Variants in IL1RAPL1 observed in about 807,000 individuals in gnomAD.
IL1RAPL1 encodes interleukin-1 receptor accessory protein-like 1.
A neutral mutation model predicts 48.4 loss-of-function variants in IL1RAPL1; 3 were observed. The observed-to-expected ratio is 0.06, with a 90% CI of 0.03 to 0.16. The LOEUF is 0.16. Ranked by LOEUF, IL1RAPL1 falls within the 10% of genes least tolerant of loss-of-function variation. The probability of loss-of-function intolerance (pLI) is 1.00; values close to 1 mark genes in which losing one functional copy is unlikely to be tolerated. For synonymous variants in IL1RAPL1, 185 were observed against 187.7 expected (o/e 0.99, Z 0.12); for missense variants, 349 against 530.6 (o/e 0.66, Z 3.36).
intron 5 of IL1RAPL1, among the ~76,000 whole-genome samples, chrX:29,426,114 G>A (rs893279875): frequency 8.1e-5 from 9 of 111,398 alleles, no homozygotes; most frequent in African/African-American, 2.9e-4. Flanking sequence ...CATAGTACAT[G>A]GTTCTAAATT....
At chrX:29,047,154 A>C (rs1926989344) in intron 2 of IL1RAPL1, among the ~76,000 whole-genome samples, 1 of 112,476 alleles carries the variant, frequency 8.9e-6, no homozygotes, top group East Asian at 2.8e-4. Context: ...TTCATTTCAA[A>C]TACATTCTTA....
chrX:28,779,655 TA>T lies in IL1RAPL1; in HGVS notation c.-24-9664del, dbSNP rs1438042066. Among the ~76,000 whole-genome samples the T allele has an allele frequency of 3.5e-5, 3 of 86,518 alleles. No homozygotes were observed. The East Asian group carries it at 1.0e-3, about 30-fold the overall frequency. 75.1% of individuals were successfully genotyped at this position (86,518 alleles called of 115,157 possible). A position where few individuals can be genotyped will look rare whatever the true frequency, so the allele number is the denominator to read the frequency against. On this transcript the variant is annotated intron_variant, in intron 1 of 10. Transcript: ENST00000378993. ...GTGTGTATATATATATATATATATA[TA>T]TATATATATATATATATATATAGAA... is the stretch of plus-strand genomic sequence containing the variant.
chrX:28,843,253 C>T (rs755086985), intron 2 of IL1RAPL1, among the ~76,000 whole-genome samples: 7 of 105,126 alleles, frequency 6.7e-5, no homozygotes, highest in East Asian at 3.0e-4. Flanking sequence ...ATGAGCTGAA[C>T]GTAAAAGATA....
intron 1 of IL1RAPL1, among the ~76,000 whole-genome samples, chrX:28,780,674 T>A (rs6653807): frequency 2.8e-4 from 30 of 108,978 alleles, no homozygotes; most frequent in African/African-American, 9.3e-4. Context: ...TTGTAAAAAA[T>A]AGTGCATGTT....
At chrX:29,603,265 CAAA>C (rs36018587) in intron 5 of IL1RAPL1, among the ~76,000 whole-genome samples, 6 of 62,853 alleles carry the variant, frequency 9.5e-5, no homozygotes, top group African/African-American at 3.3e-4. Context: ...GACTCTATCT[CAAA>C]AAAAAAAAAA....
chrX:29,419,036 A>T (rs1291645968), intron 5 of IL1RAPL1, among the ~76,000 whole-genome samples: 1 of 111,959 alleles, frequency 8.9e-6, no homozygotes, highest in East Asian at 2.8e-4. Context: ...TTCTTTAAAG[A>T]TCTGTATTTG....
At chrX:28,880,270 A>G (rs1201394515) in intron 2 of IL1RAPL1, among the ~76,000 whole-genome samples, 1 of 112,339 alleles carries the variant, frequency 8.9e-6, no homozygotes, top group African/African-American at 3.2e-5. Context: ...GAGTTGAACC[A>G]TAGAGTTTAG....
intron 5 of IL1RAPL1, among the ~76,000 whole-genome samples, chrX:29,418,116 TATATA>T (rs1404538660): frequency 0.014 from 563 of 39,052 alleles, 16 homozygotes; most frequent in Middle Eastern, 0.025. Context: ...TATATATATA[TATATA>T]TATATTTTTT....
chrX:28,831,026 C>CTCTCTCTCTCTCTCTGTG (rs1438889606), intron 2 of IL1RAPL1, among the ~76,000 whole-genome samples: 11 of 33,644 alleles, frequency 3.3e-4, no homozygotes, highest in Admixed American at 4.7e-4. Context: ...CTCTCTCTCT[C>CTCTCTCTCTCTCTCTGTG]TGTGTGTGTG....
chrX:29,079,180 TG>T (rs916619849), intron 2 of IL1RAPL1, among the ~76,000 whole-genome samples: 6 of 111,311 alleles, frequency 5.4e-5, no homozygotes, highest in Non-Finnish European at 1.1e-4. Context: ...GGGCCTATTA[TG>T]GGGGGCATAT....
At chrX:29,763,220 G>C (rs1329982834) in intron 6 of IL1RAPL1, among the ~76,000 whole-genome samples, 1 of 110,051 alleles carries the variant, frequency 9.1e-6, no homozygotes, top group Admixed American at 9.7e-5. Context: ...CTCTCTTTTG[G>C]CATTGAAGGA....
At chrX:28,633,097 C>G (rs1934418894) in intron 1 of IL1RAPL1, among the ~76,000 whole-genome samples, 1 of 110,672 alleles carries the variant, frequency 9.0e-6, no homozygotes, top group Non-Finnish European at 1.9e-5. Flanking sequence ...CCATGTTGGC[C>G]AGAATGGTCT....
chrX:29,052,854 G>T (rs1258309781), intron 2 of IL1RAPL1, among the ~76,000 whole-genome samples: 1 of 111,057 alleles, frequency 9.0e-6, no homozygotes, highest in Non-Finnish European at 1.9e-5. Context: ...GTATTTTTTA[G>T]TAGAGACAGG....
At chrX:29,308,834 C>A (rs1180135943) in intron 3 of IL1RAPL1, among the ~76,000 whole-genome samples, 1 of 111,908 alleles carries the variant, frequency 8.9e-6, no homozygotes, top group Non-Finnish European at 1.9e-5. Flanking sequence ...AATGAGACCT[C>A]AACAAGGATG....
intron 8 of IL1RAPL1, among the ~76,000 whole-genome samples, chrX:29,938,677 A>G (rs1296139865): frequency 8.9e-6 from 1 of 112,698 alleles, no homozygotes; most frequent in Non-Finnish European, 1.9e-5. Flanking sequence ...ACACTTGTGT[A>G]TCCACACCAT....
At chrX:29,511,905 C>T (rs1045815153) in intron 5 of IL1RAPL1, among the ~76,000 whole-genome samples, 1 of 110,829 alleles carries the variant, frequency 9.0e-6, no homozygotes, top group Non-Finnish European at 1.9e-5. Flanking sequence ...ATTTTAGAGT[C>T]CCTTAGCCAG....
rs763384710 is a variant in IL1RAPL1 at position 28,841,629 on chromosome X, G to A, written c.82+52204G>A. Among the ~76,000 whole-genome samples the A allele has an allele frequency of 4.5e-5, 5 of 110,392 alleles. No individual in the cohort carries two copies. In the East Asian group the frequency reaches 1.1e-3, roughly 25 times the overall value. ...ATATAAGCCATGATTTGCACCTTTG[G>A]TACACATCATAATTGCTTGGGGAGT... On this transcript the variant is annotated intron_variant, in intron 2 of 10. Transcript: ENST00000378993.
rs144687601 is a variant in IL1RAPL1, at chrX:28,782,441, C to A, written c.-24-6879C>A. Among the ~76,000 whole-genome samples, 522 of 111,100 alleles carry A rather than the reference C, an allele frequency of 4.7e-3. 1 individual carries two copies. Among genetic ancestry groups the A allele is most frequent in the African/African-American group, 0.016 (488 of 30,684 alleles). On this transcript the variant is annotated intron_variant, in intron 1 of 10. Coordinates refer to ENST00000378993, the MANE Select transcript of IL1RAPL1 (RefSeq NM_014271.4). ...ATAAAGTTTTCTAACTTCTTGTCAC[C>A]ATACCCTACTACTAATAAAAATTTT...
chrX:29,161,458 A>G (rs1168508237), intron 2 of IL1RAPL1, among the ~76,000 whole-genome samples: 3 of 112,302 alleles, frequency 2.7e-5, no homozygotes, highest in Non-Finnish European at 5.6e-5. Context: ...TTAGGAATAG[A>G]TGTTTCCTAC....
Sources: allele counts gnomAD v4.1 joint callset (sites outside exome capture counted in the v4.1 genomes callset), GRCh38; gene constraint gnomAD v4.1.1; transcripts MANE v1.5; gene names NCBI Gene and HGNC (gene_info 2026-07-23, HGNC 2026-07-21).